The following FGD5 variants were observed in gnomAD, a reference collection of about 807,000 sequenced individuals.
The protein encoded by FGD5 is FYVE, RhoGEF and PH domain-containing protein 5.
FGD5 carries 28 observed loss-of-function variants against 133.4 expected under a neutral mutation model. That is an observed-to-expected ratio of 0.21 (90% CI 0.16 to 0.29). The LOEUF (loss-of-function observed/expected upper bound fraction) is 0.29. Ranked by LOEUF, FGD5 falls within the 10% of genes least tolerant of loss-of-function variation. The pLI is 1.00. For synonymous variants in FGD5, 810 were observed against 776.5 expected (o/e 1.04, Z -0.72); for missense variants, 1,858 against 1,895.2 (o/e 0.98, Z 0.36).
chr3:14,909,098 AG>A (rs1694347818), intron 10 of FGD5, among the ~76,000 whole-genome samples: 1 of 151,564 alleles, frequency 6.6e-6, no homozygotes, highest in Non-Finnish European at 1.5e-5. Context: ...CCTCCCGAAT[AG>A]CTGGGATTAC....
intron 13 of FGD5, chr3:14,921,253 C>T (rs2038674112): frequency 6.5e-6 from 1 of 154,038 alleles, no homozygotes; most frequent in African/African-American, 2.4e-5. Flanking sequence ...CAGCACTGCT[C>T]CCGCCCAGGC....
chr3:14,908,782 A>G (rs1018061594), intron 10 of FGD5, among the ~76,000 whole-genome samples: 2 of 151,194 alleles, frequency 1.3e-5, no homozygotes, highest in African/African-American at 4.9e-5. Flanking sequence ...CGGGAGGCTG[A>G]GGCAGGATAA....
chr3:14,832,536 T>A (rs1402100474), intron 1 of FGD5, among the ~76,000 whole-genome samples: 2 of 152,184 alleles, frequency 1.3e-5, no homozygotes, highest in Non-Finnish European at 2.9e-5. Flanking sequence ...TGTGCCTCAT[T>A]GTGTGCAATT....
At position 14,901,031 on chromosome 3, in the gene FGD5, A is replaced by G; in HGVS notation, c.3234A>G (p.Thr1078=). 1.9e-6 allele frequency: 3 copies of G among 1,614,004 alleles called. No homozygotes were observed. Among genetic ancestry groups the G allele is most frequent in the East Asian group, 4.5e-5 (2 of 44,876 alleles). The change falls in exon 9 of 20, where the codon ACA becomes ACG. Residue 1078 remains threonine (T), a synonymous_variant. Coordinates refer to ENST00000285046, the MANE Select transcript of FGD5 (RefSeq NM_152536.4). The stretch of plus-strand genomic sequence containing the variant: ...CACTGAGCCTCATCTCCAAAGTCAC[A>G]GACCGTGCCAACGACAGCATGGAGC... ...QGALSLISKV[T]DRANDSMEQG... is the part of the protein sequence containing the mutation.
intron 2 of FGD5, among the ~76,000 whole-genome samples, chr3:14,869,114 C>G (rs1194789060): frequency 6.6e-6 from 1 of 152,072 alleles, no homozygotes; most frequent in African/African-American, 2.4e-5. Context: ...CTCACATGGT[C>G]AAACCCCGTC....
intron 3 of FGD5, 22 bp from the exon 4 acceptor site, chr3:14,880,720 T>C (rs1320752421): frequency 6.2e-7 from 1 of 1,613,896 alleles, no homozygotes; most frequent in African/African-American, 1.3e-5. Flanking sequence ...TAATGCAGCC[T>C]CAACCCTCTT....
In FGD5 at chr3:14,821,609, C is replaced by G. The variant is rs1207822618; in HGVS notation, c.2525+13C>G. The G allele has an allele frequency of 2.6e-6, 4 of 1,560,394 alleles. No individual in the cohort carries two copies. The South Asian group carries it at 3.6e-5, about 14-fold the overall frequency. On this transcript the variant is annotated intron_variant, in intron 1 of 19. Coordinates refer to ENST00000285046, the MANE Select transcript of FGD5 (RefSeq NM_152536.4). Reference sequence around the variant, plus strand: ...AGGACGCAGAAAGGTACCTGACATTCTATTTCCTTTCTTGTTCGGCAGCTG... The same window carrying G: ...AGGACGCAGAAAGGTACCTGACATTGTATTTCCTTTCTTGTTCGGCAGCTG...
chr3:14,819,894 C>G lies in FGD5; in HGVS notation c.823C>G (p.Leu275Val), dbSNP rs201233557. 346 of 1,613,676 alleles carry G rather than the reference C, an allele frequency of 2.1e-4. 1 individual carries two copies. Among genetic ancestry groups the G allele is most frequent in the Non-Finnish European group, 2.3e-4 (276 of 1,179,856 alleles). Residue 275 changes from leucine to valine, a missense_variant, in exon 1 of 20, where the codon CTT becomes GTT. Physicochemically the swap from Leu to Val is conservative, Grantham distance 32 (BLOSUM62 1). Coordinates refer to ENST00000285046, the MANE Select transcript of FGD5 (RefSeq NM_152536.4). This position sits in a 1 kb window ranked among gnomAD's most constrained non-coding sequence, Gnocchi z 4.1. ...GACAGCCACAGACTGCCCTGAAGTTCTTGAGGAGGGATGTGAAGAGGCCAC... is the reference window on the plus strand; with the variant it reads ...GACAGCCACAGACTGCCCTGAAGTTGTTGAGGAGGGATGTGAAGAGGCCAC... The part of the protein sequence containing the change: ...AETATDCPEV[L>V]EEGCEEATGV...
chr3:14,849,022 G>A (rs1388886104), intron 1 of FGD5, among the ~76,000 whole-genome samples: 2 of 152,186 alleles, frequency 1.3e-5, no homozygotes, highest in Non-Finnish European at 2.9e-5. Context: ...TCTGTGTTTG[G>A]AGTAGAGGAG....
In FGD5 at chr3:14,885,170, G is replaced by A. The variant is rs566630076; in HGVS notation, c.2748+4398G>A. ...CCCTTTGTTCAGTTCCTCTAGGTCT[G>A]TGCAGGTTACATAGTAGACAAAAGA... On this transcript the variant is annotated intron_variant, in intron 4 of 19. Transcript: ENST00000285046. 2.0e-5 allele frequency among the ~76,000 whole-genome samples: 3 copies of A among 151,726 alleles called. No homozygotes were observed. In the South Asian group the frequency reaches 6.3e-4, roughly 32 times the overall value.
intron 1 of FGD5, among the ~76,000 whole-genome samples, chr3:14,859,027 ACT>A: frequency 6.6e-6 from 1 of 152,142 alleles, no homozygotes; most frequent in South Asian, 2.1e-4. Flanking sequence ...TTTTTCATTG[ACT>A]CTGCAAAGGC....
Position 14,922,972 on chromosome 3 carries a change from G to T in FGD5, c.3808-74G>T. 1 of 1,599,450 alleles carries T rather than the reference G, an allele frequency of 6.3e-7. No individual in the cohort carries two copies. The highest frequency in any genetic ancestry group is 1.3e-5 in the African/African-American group (1 of 74,738). On this transcript the variant is annotated intron_variant, in intron 15 of 19. Coordinates refer to ENST00000285046, the MANE Select transcript of FGD5 (RefSeq NM_152536.4). This position sits in a 1 kb window ranked among gnomAD's most constrained non-coding sequence, Gnocchi z 4.1. ...GCAGTTGTGGGTGGATTAGCAGAGG[G>T]AGCGGAGGGGAGGGGTGCAGGTCTC...
At chr3:14,910,986 T>C (rs2038437794) in intron 11 of FGD5, 57 bp downstream of exon 11, 3 of 1,527,062 alleles carry the variant, frequency 2.0e-6, no homozygotes, top group Non-Finnish European at 2.7e-6. Context: ...TGAGGTTTTC[T>C]AGGGCCATTA....
chr3:14,838,721 A>G (rs1227517802), intron 1 of FGD5, among the ~76,000 whole-genome samples: 1 of 152,212 alleles, frequency 6.6e-6, no homozygotes, highest in Non-Finnish European at 1.5e-5. Flanking sequence ...TGGGAAGCTA[A>G]AGAAATAAGT....
intron 18 of FGD5, among the ~76,000 whole-genome samples, chr3:14,930,527 G>T (rs1257871737): frequency 6.6e-6 from 1 of 151,444 alleles, no homozygotes; most frequent in Non-Finnish European, 1.5e-5. Flanking sequence ...AACACAGCAA[G>T]CAGAGGTTGC....
chr3:14,910,714 T>C, intron 10 of FGD5, 147 bp from the exon 11 acceptor site: 1 of 656,830 alleles, frequency 1.5e-6, no homozygotes, highest in African/African-American at 1.8e-5. Context: ...TCTGGGAGGC[T>C]TTATGATTTA....
chr3:14,822,090 C>G (rs944914343), intron 1 of FGD5, among the ~76,000 whole-genome samples: 1 of 150,448 alleles, frequency 6.6e-6, no homozygotes, highest in Admixed American at 6.6e-5. Flanking sequence ...TAGAGCGAGA[C>G]TCTGTCTAAA....
At chr3:14,880,702 A>G (rs2037808400) in intron 3 of FGD5, 40 bp from the exon 4 acceptor site, 5 of 1,613,912 alleles carry the variant, frequency 3.1e-6, no homozygotes, top group Non-Finnish European at 2.5e-6. Flanking sequence ...CTTACACAGG[A>G]TGGGGATTAA....
chr3:14,811,077 CT>C lies in FGD5; in HGVS notation c.13+213del, dbSNP rs539227949. On this transcript the variant is annotated intron_variant, in intron 1 of 1. Transcript: ENST00000640506. ...GGGGTCCCCGTCCGAAGCGCCCTGC[CT>C]CAGGGACCTTCTCAGCCTTGGCGAG... 4.9e-4 allele frequency among the ~76,000 whole-genome samples: 75 copies of C among 152,178 alleles called. No individual in the cohort carries two copies. The Middle Eastern group carries it at 0.01, about 21-fold the overall frequency.
Sources: allele counts gnomAD v4.1 joint callset (sites outside exome capture counted in the v4.1 genomes callset), GRCh38; gene constraint gnomAD v4.1.1; non-coding constraint Gnocchi (gnomAD v3.1); transcripts MANE v1.5; gene names NCBI Gene and HGNC (gene_info 2026-07-23, HGNC 2026-07-21).